The following CDK7 variants were observed in gnomAD, a reference collection of about 807,000 sequenced individuals.
CDK7 encodes the protein cyclin-dependent kinase 7.
In CDK7, 25 loss-of-function variants were observed where a neutral mutation model predicts 49.1. The ratio of observed to expected loss-of-function variants is 0.51; its 90% CI spans 0.37 to 0.71. The LOEUF is 0.71. Among genes scored for constraint, CDK7 ranks in the 30% least tolerant of loss-of-function variants. CDK7 has a pLI of 0.00. For synonymous variants in CDK7, 107 were observed against 140.0 expected, an observed-to-expected ratio of 0.76 and a Z score of 1.67; for missense variants, 316 against 411.7, an observed-to-expected ratio of 0.77 and a Z score of 2.01.
chr5:69,235,299 G>A lies in CDK7; in HGVS notation c.67-95G>A, dbSNP rs2972389. The A allele has an allele frequency of 0.014, 13,638 of 967,364 alleles. 748 individuals carry two copies. In the East Asian group the frequency reaches 0.17, roughly 12 times the overall value. 59.9% of individuals were successfully genotyped at this position (967,364 alleles called of 1,614,324 possible). A position where few individuals can be genotyped will look rare whatever the true frequency, so the allele number is the denominator to read the frequency against. ...TTCCAGCCGCCGCGAGTCTGCTCAG[G>A]AACTCTGGGCTCTTTGCTTCGCGAA... On this transcript the variant is annotated intron_variant, in intron 1 of 11. Transcript: ENST00000256443.
chr5:69,265,255 A>C (rs1035960515), intron 8 of CDK7, among the ~76,000 whole-genome samples: 1 of 151,704 alleles, frequency 6.6e-6, no homozygotes, highest in Non-Finnish European at 1.5e-5. Context: ...ACAGAGCGAG[A>C]CTCCGTCTCA....
rs2930950 is a variant in CDK7, at chr5:69,238,462, C to G, written c.126+3009C>G. Among the ~76,000 whole-genome samples the G allele has an allele frequency of 0.019, 2,813 of 151,514 alleles. 134 individuals are homozygous for G. In the East Asian group the frequency reaches 0.2, roughly 11 times the overall value. On this transcript the variant is annotated intron_variant, in intron 2 of 11. Transcript: ENST00000256443. The stretch of plus-strand genomic sequence containing the variant: ...ACCGTGCCCCACTAAATTTGTTGTT[C>G]TTCTTGTAGAGACAGGGTCTCACTC...
At chr5:69,236,048 C>T (rs1005190176) in intron 2 of CDK7, among the ~76,000 whole-genome samples, 4 of 152,144 alleles carry the variant, frequency 2.6e-5, no homozygotes, top group Non-Finnish European at 5.9e-5. Flanking sequence ...CCAGACCATC[C>T]TGGCCAACAT....
intron 5 of CDK7, among the ~76,000 whole-genome samples, chr5:69,256,625 G>A (rs775882346): frequency 6.6e-6 from 1 of 152,110 alleles, no homozygotes; most frequent in Non-Finnish European, 1.5e-5. Flanking sequence ...ATAAGCGTGA[G>A]CCACCATGCC....
At chr5:69,272,118 G>A (rs1751619462) in intron 9 of CDK7, among the ~76,000 whole-genome samples, 1 of 151,988 alleles carries the variant, frequency 6.6e-6, no homozygotes. Flanking sequence ...CATGTATGTC[G>A]AAGTGTTCCA....
intron 9 of CDK7, among the ~76,000 whole-genome samples, 193 bp downstream of exon 9, chr5:69,269,486 A>C (rs1369514481): frequency 6.6e-6 from 1 of 152,192 alleles, no homozygotes; most frequent in Non-Finnish European, 1.5e-5. Context: ...TCTTGTATAC[A>C]TGTAGTCCTT....
chr5:69,277,120 G>A lies in CDK7; in HGVS notation c.1026G>A (p.Lys342=). The A allele has an allele frequency of 6.3e-7, 1 of 1,596,872 alleles. No individual in the cohort carries two copies. The highest frequency in any genetic ancestry group is 1.2e-5 in the South Asian group (1 of 86,356). Residue 342 remains lysine, a synonymous_variant, in exon 12 of 12, where the codon AAG becomes AAA. Coordinates refer to ENST00000256443, the MANE Select transcript of CDK7 (RefSeq NM_001799.4). ...TTTGCTTCCTAGGAGGATTGCCCAA[G>A]AAACTAATTTTTTAAAGAGAACACT... ...TEALEQGGLP[K]KLIF is the part of the protein sequence containing the mutation.
intron 6 of CDK7, among the ~76,000 whole-genome samples, chr5:69,259,343 A>T (rs2150211790): frequency 6.6e-6 from 1 of 152,294 alleles, no homozygotes; most frequent in African/African-American, 2.4e-5. Context: ...AGTAGCTAAG[A>T]ATATATAATT....
At chr5:69,262,155 T>G (rs1315030713) in intron 7 of CDK7, 50 bp from the exon 8 acceptor site, 1 of 1,611,210 alleles carries the variant, frequency 6.2e-7, no homozygotes, top group East Asian at 2.2e-5. Flanking sequence ...GAGATAGAAG[T>G]GCTTTGATAA....
chr5:69,240,164 G>A (rs1749273347), intron 2 of CDK7, among the ~76,000 whole-genome samples: 1 of 152,120 alleles, frequency 6.6e-6, no homozygotes, highest in Non-Finnish European at 1.5e-5. Flanking sequence ...TTCTGTTCCA[G>A]TGGTGGGTTT....
intron 6 of CDK7, 48 bp downstream of exon 6, chr5:69,258,201 C>A: frequency 2.5e-6 from 2 of 787,144 alleles, no homozygotes; most frequent in Middle Eastern, 2.3e-4. Context: ...TTTTATATAG[C>A]CAATTTGGTA....
Position 69,277,357 on chromosome 5 carries a change from T to C in CDK7, c.*222T>C, listed in dbSNP as rs1477717671. 1 of 400,078 alleles carries C rather than the reference T, an allele frequency of 2.5e-6. No individual in the cohort carries two copies. Among genetic ancestry groups the C allele is most frequent in the Non-Finnish European group, 4.5e-6 (1 of 221,550 alleles). The allele number at this position is 400,078 out of a possible 1,614,324, so 24.8% of individuals were successfully genotyped here. Reference sequence around the variant, plus strand: ...TGCAAAAGTGAGAAAAGTTCAATACTCTTGAAATGTAGAATTGAAAATGCA... The same window carrying C: ...TGCAAAAGTGAGAAAAGTTCAATACCCTTGAAATGTAGAATTGAAAATGCA... On this transcript the variant is annotated 3_prime_UTR_variant, in exon 12 of 12. Transcript: ENST00000256443.
At chr5:69,247,886 C>T (rs959991694) in intron 2 of CDK7, among the ~76,000 whole-genome samples, 3 of 152,116 alleles carry the variant, frequency 2.0e-5, no homozygotes, top group African/African-American at 7.2e-5. Context: ...TTAACTTTGT[C>T]TCCCCACTTT....
At position 69,277,124 on chromosome 5, in the gene CDK7, C is replaced by T. The variant is rs1752238480; in HGVS notation, c.1030C>T (p.Leu344=). ...ALEQGGLPKK[L]IF ...CTTCCTAGGAGGATTGCCCAAGAAACTAATTTTTTAAAGAGAACACTGGAC... is the reference window on the plus strand; with the variant it reads ...CTTCCTAGGAGGATTGCCCAAGAAATTAATTTTTTAAAGAGAACACTGGAC... The change falls in exon 12 of 12, where the codon CTA becomes TTA. Residue 344 remains leucine, a synonymous_variant. Coordinates refer to ENST00000256443, the MANE Select transcript of CDK7 (RefSeq NM_001799.4). 6.3e-7 allele frequency: 1 copy of T among 1,595,864 alleles called. No individual in the cohort carries two copies. Among genetic ancestry groups the T allele is most frequent in the Non-Finnish European group, 8.5e-7 (1 of 1,172,816 alleles).
intron 8 of CDK7, among the ~76,000 whole-genome samples, chr5:69,265,001 C>T (rs1275206179): frequency 3.4e-5 from 5 of 148,538 alleles, no homozygotes; most frequent in Admixed American, 6.7e-5. Context: ...CGGTGGCTCA[C>T]GCCTGCAATC....
intron 7 of CDK7, among the ~76,000 whole-genome samples, chr5:69,261,490 C>G (rs7706618): frequency 0.51 from 70,339 of 139,044 alleles, 18,017 homozygotes; most frequent in African/African-American, 0.59. Flanking sequence ...AAAAGGTTCT[C>G]TGTGTGTGTG....
intron 2 of CDK7, among the ~76,000 whole-genome samples, chr5:69,244,423 C>A (rs765213770): frequency 6.6e-6 from 1 of 151,568 alleles, no homozygotes; most frequent in Non-Finnish European, 1.5e-5. Context: ...TTTAGGAGGC[C>A]GAGGTGGGCG....
intron 2 of CDK7, among the ~76,000 whole-genome samples, chr5:69,248,372 C>A (rs1248993000): frequency 6.6e-6 from 1 of 151,768 alleles, no homozygotes; most frequent in Non-Finnish European, 1.5e-5. Context: ...AGGATCCTTT[C>A]TTTTTCTTTT....
At chr5:69,255,654 G>C (rs1053548038) in intron 5 of CDK7, 126 bp downstream of exon 5, 9 of 771,478 alleles carry the variant, frequency 1.2e-5, no homozygotes, top group Non-Finnish European at 2.1e-5. Flanking sequence ...TTGAAATTTG[G>C]ATGTACTCTG....
Sources: allele counts gnomAD v4.1 joint callset (sites outside exome capture counted in the v4.1 genomes callset), GRCh38; gene constraint gnomAD v4.1.1; transcripts MANE v1.5; gene names NCBI Gene and HGNC (gene_info 2026-07-23, HGNC 2026-07-21).